PDE1C: variants seen among roughly 807,000 people sequenced by gnomAD.
PDE1C encodes phosphodiesterase 1C.
A neutral mutation model predicts 93.1 loss-of-function variants in PDE1C; 62 were observed. That is an observed-to-expected ratio of 0.67 (90% confidence interval 0.54 to 0.82). PDE1C has a LOEUF of 0.82. Ranked by LOEUF, PDE1C falls within the 40% of genes least tolerant of loss-of-function variation. PDE1C has a pLI of 0.00. For synonymous variants in PDE1C, 325 were observed against 310.1 expected (o/e 1.05, Z -0.50); for missense variants, 742 against 884.6 (o/e 0.84, Z 2.04).
intron 14 of PDE1C, chr7:31,821,057 C>A (rs560480215): frequency 9.2e-5 from 14 of 151,728 alleles, no homozygotes; most frequent in Non-Finnish European, 1.5e-4. Flanking sequence ...TTGAAATGTG[C>A]CCTGATAACC....
chr7:31,986,742 G>T (rs1339655293), intron 2 of PDE1C, among the ~76,000 whole-genome samples: 2 of 152,110 alleles, frequency 1.3e-5, no homozygotes, highest in African/African-American at 4.8e-5. Flanking sequence ...GTCGATGGAA[G>T]GAGCATGGTC....
At chr7:32,056,319 GTTCTCTCTCTCTCTCTCT>G (rs779967953) in intron 1 of PDE1C, among the ~76,000 whole-genome samples, 1 of 56,330 alleles carries the variant, frequency 1.8e-5, no homozygotes, top group Non-Finnish European at 3.5e-5. Context: ...TGGGTCCACC[GTTCTCTCTCTCTCTCTCT>G]CTCTCTCTCT....
intron 1 of PDE1C, among the ~76,000 whole-genome samples, chr7:32,216,649 C>A (rs1192209751): frequency 1.3e-5 from 2 of 152,204 alleles, no homozygotes; most frequent in Admixed American, 1.3e-4. Flanking sequence ...TCATAGATAC[C>A]AAATAAATCT....
At chr7:32,031,338 C>G (rs896688208) in intron 2 of PDE1C, among the ~76,000 whole-genome samples, 1 of 152,142 alleles carries the variant, frequency 6.6e-6, no homozygotes, top group African/African-American at 2.4e-5. Flanking sequence ...CCTAACAACC[C>G]TATCTTTTAC....
At chr7:31,890,391 G>A (rs1256147051) in intron 2 of PDE1C, among the ~76,000 whole-genome samples, 9 of 152,204 alleles carry the variant, frequency 5.9e-5, no homozygotes, top group Non-Finnish European at 1.2e-4. Flanking sequence ...GCACTAATGA[G>A]AACAGGAAGC....
At chr7:31,922,163 T>C (rs895014860) in intron 2 of PDE1C, among the ~76,000 whole-genome samples, 7 of 152,210 alleles carry the variant, frequency 4.6e-5, no homozygotes, top group Non-Finnish European at 4.4e-5. Flanking sequence ...TATCCGACTC[T>C]TCTTTAAGTA....
chr7:31,753,663 A>AG, intron 17 of PDE1C, 110 bp from the exon 18 acceptor site: 1 of 1,408,056 alleles, frequency 7.1e-7, no homozygotes, highest in Non-Finnish European at 9.3e-7. Flanking sequence ...CTCCAAGACC[A>AG]GGAAAGAAGC....
chr7:32,081,601 A>G (rs1796665219), intron 3 of PDE1C, among the ~76,000 whole-genome samples: 1 of 152,214 alleles, frequency 6.6e-6, no homozygotes. Flanking sequence ...AGCAATTCCT[A>G]AGGATGCTGC....
chr7:32,071,496 AC>A (rs542589070), upstream of PDE1C: 15 of 737,178 alleles, frequency 2.0e-5, no homozygotes, highest in South Asian at 1.2e-4. Context: ...CCTCCCTTTC[AC>A]CCCCCCACCC....
At chr7:31,796,740 C>A (rs543913847) in intron 16 of PDE1C, among the ~76,000 whole-genome samples, 14 of 151,766 alleles carry the variant, frequency 9.2e-5, no homozygotes, top group South Asian at 4.1e-4. Context: ...ATAAAAAAAA[C>A]CAATTACGTT....
At position 31,961,261 on chromosome 7, in the gene PDE1C, TAC is replaced by T. The variant is rs765877561; in HGVS notation, c.129-80403_129-80402del. Among the ~76,000 whole-genome samples, 1,057 of 150,532 alleles carry T rather than the reference TAC, an allele frequency of 7.0e-3. 5 individuals are homozygous for T. The highest frequency in any genetic ancestry group is 0.038 in the Middle Eastern group (11 of 286). ...ATGTATATGTATATATATATATATATACACACACACAGGCTATTATACATTAT... is the reference window on the plus strand; with the variant it reads ...ATGTATATGTATATATATATATATATACACACACAGGCTATTATACATTAT... On this transcript the variant is annotated intron_variant, in intron 2 of 17. Transcript: ENST00000396191.
chr7:32,268,061 G>A (rs1268600819), intron 1 of PDE1C, among the ~76,000 whole-genome samples: 1 of 152,212 alleles, frequency 6.6e-6, no homozygotes, highest in Non-Finnish European at 1.5e-5. Context: ...GGCAACGTCG[G>A]GGGTTACCCA....
chr7:32,301,022 A>G (rs1172768353), upstream of PDE1C, among the ~76,000 whole-genome samples: 1 of 151,986 alleles, frequency 6.6e-6, no homozygotes, highest in Non-Finnish European at 1.5e-5. Flanking sequence ...AAAAAATTGT[A>G]GAGGCAAGGT....
chr7:31,873,464 A>G, intron 5 of PDE1C, 56 bp from the exon 6 acceptor site: 1 of 1,022,052 alleles, frequency 9.8e-7, no homozygotes, highest in Non-Finnish European at 1.5e-6. Flanking sequence ...TTACACACCT[A>G]CCAGTCTCCT....
intron 7 of PDE1C, among the ~76,000 whole-genome samples, chr7:31,860,218 T>C (rs1794517601): frequency 6.6e-6 from 1 of 152,172 alleles, no homozygotes; most frequent in African/African-American, 2.4e-5. Flanking sequence ...ACCAGTGGTT[T>C]ATTTGGCAAG....
At chr7:32,111,269 A>T (rs561174796) in intron 3 of PDE1C, among the ~76,000 whole-genome samples, 1 of 152,360 alleles carries the variant, frequency 6.6e-6, no homozygotes, top group Non-Finnish European at 1.5e-5. Context: ...CTTTGAGCAG[A>T]GGAGCAGATG....
intron 1 of PDE1C, among the ~76,000 whole-genome samples, chr7:32,267,337 G>A (rs931137825): frequency 3.4e-5 from 5 of 147,058 alleles, no homozygotes; most frequent in African/African-American, 1.4e-4. Context: ...TTTGGGAGAT[G>A]TCTCCAGGAA....
At position 31,823,179 on chromosome 7, in the gene PDE1C, G is replaced by A. The variant is rs1789198738; in HGVS notation, c.1476C>T (p.Ala492=). Residue 492 remains alanine (A), a synonymous_variant, in exon 14 of 18, where the codon GCC becomes GCT. Transcript: ENST00000396191. ...CGGAGATGACAGAATTGTTGATCGG[G>A]GCACTTCCCTCTGAACCAGAGGTCT... ...GVKTSGSEGS[A]PINNSVISVD... is the part of the protein sequence containing the mutation. 1.2e-6 allele frequency: 2 copies of A among 1,613,228 alleles called. No individual in the cohort carries two copies. The highest frequency in any genetic ancestry group is 1.3e-5 in the African/African-American group (1 of 74,954).
the PDE1C span, among the ~76,000 whole-genome samples, chr7:31,688,320 C>T: frequency 6.6e-5 from 10 of 152,326 alleles, no homozygotes; most frequent in Non-Finnish European, 1.5e-4. Flanking sequence ...ACGTTGGCTT[C>T]TACCTTATAT....
Sources: gnomAD v4.1 joint callset for allele counts (sites outside exome capture counted in the v4.1 genomes callset) on GRCh38, gnomAD v4.1.1 for gene constraint, MANE v1.5 for transcripts, NCBI Gene and HGNC (gene_info 2026-07-23, HGNC 2026-07-21) for gene names.